PLCB1: variants seen among roughly 807,000 people sequenced by gnomAD.
PLCB1 encodes the protein 1-phosphatidylinositol 4,5-bisphosphate phosphodiesterase beta-1.
In PLCB1, 46 loss-of-function variants were observed where a neutral mutation model predicts 161.8. The observed-to-expected ratio is 0.28, with a 90% CI of 0.22 to 0.36. The LOEUF (loss-of-function observed/expected upper bound fraction) is 0.36. Ranked by LOEUF, PLCB1 falls within the 10% of genes least tolerant of loss-of-function variation. The pLI, the probability that PLCB1 is intolerant of heterozygous loss-of-function variation, is 1.00. For missense variants in PLCB1, 1,016 were observed against 1,472.5 expected, an observed-to-expected ratio of 0.69 and a Z score of 5.07; for synonymous variants, 517 against 503.7, an observed-to-expected ratio of 1.03 and a Z score of -0.35.
intron 31 of PLCB1, among the ~76,000 whole-genome samples, chr20:8,830,345 A>G (rs1985923728): frequency 6.6e-6 from 1 of 152,254 alleles, no homozygotes; most frequent in Non-Finnish European, 1.5e-5. Flanking sequence ...TTGGAGCTTT[A>G]TCCAGAAGAC....
intron 2 of PLCB1, among the ~76,000 whole-genome samples, chr20:8,285,061 G>A (rs1983047181): frequency 6.6e-6 from 1 of 151,480 alleles, no homozygotes; most frequent in African/African-American, 2.4e-5. Flanking sequence ...TTCTTGTTTT[G>A]TTTCTGCATG....
chr20:8,609,932 G>A (rs781499884), intron 3 of PLCB1, among the ~76,000 whole-genome samples: 6 of 152,128 alleles, frequency 3.9e-5, no homozygotes, highest in Admixed American at 1.3e-4. Context: ...CCCTTCTAAT[G>A]TAAACAATTC....
chr20:8,197,908 AAATAGGG>A (rs1203810911), intron 2 of PLCB1, among the ~76,000 whole-genome samples: 1 of 152,182 alleles, frequency 6.6e-6, no homozygotes, highest in Non-Finnish European at 1.5e-5. Flanking sequence ...ACTATTTGTT[AAATAGGG>A]AATCTTTTCC....
At chr20:8,482,842 G>A (rs1161688810) in intron 3 of PLCB1, among the ~76,000 whole-genome samples, 1 of 151,940 alleles carries the variant, frequency 6.6e-6, no homozygotes, top group African/African-American at 2.4e-5. Context: ...GAATGTGAGG[G>A]TATTATGGAT....
At chr20:8,269,138 G>C (rs1417094557) in intron 2 of PLCB1, among the ~76,000 whole-genome samples, 1 of 152,016 alleles carries the variant, frequency 6.6e-6, no homozygotes, top group African/African-American at 2.4e-5. Context: ...AGAATGTGCA[G>C]GTTTGTTACA....
chr20:8,589,816 A>G (rs147476801), intron 3 of PLCB1, among the ~76,000 whole-genome samples: 2 of 151,610 alleles, frequency 1.3e-5, no homozygotes, highest in East Asian at 3.9e-4. Context: ...GAGAAGTCTC[A>G]TTATGTTGCT....
intron 31 of PLCB1, among the ~76,000 whole-genome samples, chr20:8,836,925 C>T (rs1298503485): frequency 6.6e-6 from 1 of 152,164 alleles, no homozygotes; most frequent in Non-Finnish European, 1.5e-5. Context: ...AATGCAGGAT[C>T]TCATCCTGTG....
intron 11 of PLCB1, among the ~76,000 whole-genome samples, chr20:8,701,083 T>C (rs1600260738): frequency 6.6e-6 from 1 of 152,156 alleles, no homozygotes; most frequent in Non-Finnish European, 1.5e-5. Flanking sequence ...ATTTTGCACA[T>C]AGTCGCCTCT....
Position 8,520,319 on chromosome 20 carries a change from T to G in PLCB1, c.247-107975T>G, listed in dbSNP as rs377094032. Among the ~76,000 whole-genome samples, 115 of 152,334 alleles carry G rather than the reference T, an allele frequency of 7.5e-4. 1 individual carries two copies. The highest frequency in any genetic ancestry group is 2.6e-3 in the African/African-American group (107 of 41,584). On this transcript the variant is annotated intron_variant, in intron 3 of 31. Transcript: ENST00000338037. ...CTTATTATTGCAATTTCCATCATAA[T>G]AGACATATTATATTTGTAATAGGTG...
intron 31 of PLCB1, among the ~76,000 whole-genome samples, chr20:8,881,373 C>T (rs1003703521): frequency 1.6e-5 from 2 of 126,062 alleles, no homozygotes; most frequent in African/African-American, 2.7e-5. Context: ...TTGTAGATAC[C>T]GCTATTCATC....
chr20:8,704,188 T>C (rs2123442921), intron 11 of PLCB1, among the ~76,000 whole-genome samples: 1 of 152,230 alleles, frequency 6.6e-6, no homozygotes, highest in African/African-American at 2.4e-5. Flanking sequence ...ACCCCATCTC[T>C]ACTAAAAATA....
chr20:8,845,335 G>A (rs1184937532), intron 31 of PLCB1, among the ~76,000 whole-genome samples: 1 of 152,012 alleles, frequency 6.6e-6, no homozygotes, highest in Non-Finnish European at 1.5e-5. Context: ...ATTATTGGGT[G>A]TATACATTTT....
chr20:8,826,426 C>T (rs1985705829), intron 31 of PLCB1, among the ~76,000 whole-genome samples: 1 of 148,802 alleles, frequency 6.7e-6, no homozygotes, highest in Non-Finnish European at 1.5e-5. Context: ...ACCCGGGAGG[C>T]AGAGCTTGCA....
intron 27 of PLCB1, among the ~76,000 whole-genome samples, chr20:8,775,689 T>G (rs1315826929): frequency 6.6e-6 from 1 of 152,198 alleles, no homozygotes; most frequent in Non-Finnish European, 1.5e-5. Context: ...AAAATCAAAT[T>G]CTAACGAGGC....
chr20:8,447,564 G>C (rs2122636023), intron 3 of PLCB1, among the ~76,000 whole-genome samples: 1 of 152,288 alleles, frequency 6.6e-6, no homozygotes, highest in South Asian at 2.1e-4. Context: ...GGATAGAGTA[G>C]GCCGCTTTCA....
chr20:8,553,273 G>T (rs1271246697), intron 3 of PLCB1, among the ~76,000 whole-genome samples: 1 of 152,162 alleles, frequency 6.6e-6, no homozygotes. Flanking sequence ...CTATTGCAAG[G>T]CAGGATATAG....
chr20:8,223,131 C>T (rs183840663), intron 2 of PLCB1, among the ~76,000 whole-genome samples: 1 of 152,280 alleles, frequency 6.6e-6, no homozygotes, highest in Non-Finnish European at 1.5e-5. Flanking sequence ...AATAAGCTTT[C>T]CTGTGTATGT....
At chr20:8,684,773 T>C (rs1158957804) in intron 9 of PLCB1, among the ~76,000 whole-genome samples, 159 bp from the exon 10 acceptor site, 1 of 151,890 alleles carries the variant, frequency 6.6e-6, no homozygotes, top group East Asian at 1.9e-4. Flanking sequence ...TTGGAAATAA[T>C]TGTAGTGAAA....
At chr20:8,207,924 T>C (rs1978618943) in intron 2 of PLCB1, among the ~76,000 whole-genome samples, 1 of 152,152 alleles carries the variant, frequency 6.6e-6, no homozygotes, top group Admixed American at 6.6e-5. Context: ...CCTGCAGCTT[T>C]TAAATTGTAG....
Sources: gnomAD v4.1 joint callset for allele counts (sites outside exome capture counted in the v4.1 genomes callset) on GRCh38, gnomAD v4.1.1 for gene constraint, MANE v1.5 for transcripts, NCBI Gene and HGNC (gene_info 2026-07-23, HGNC 2026-07-21) for gene names.